UNC5D: variants seen among roughly 807,000 people sequenced by gnomAD.
UNC5D encodes the protein netrin receptor UNC5D.
Under a neutral mutation model 105.4 loss-of-function variants are expected in UNC5D, and 39 were observed. That is an observed-to-expected ratio of 0.37 (90% CI 0.29 to 0.48). The LOEUF (loss-of-function observed/expected upper bound fraction) is 0.48, where lower values mean the gene tolerates loss of function less well. UNC5D is among the 20% of genes least tolerant of loss of function. The probability of loss-of-function intolerance (pLI) is 0.98; values close to 1 mark genes in which losing one functional copy is unlikely to be tolerated. For missense variants in UNC5D, 991 were observed against 1,202.4 expected (o/e 0.82, Z 2.60); for synonymous variants, 452 against 450.4 (o/e 1.00, Z -0.04).
At chr8:35,303,157 A>G (rs897003457) in intron 1 of UNC5D, among the ~76,000 whole-genome samples, 30 of 152,190 alleles carry the variant, frequency 2.0e-4, no homozygotes, top group African/African-American at 7.0e-4. Context: ...ATCAGTGCCT[A>G]TTTCTACATA....
Position 35,672,282 on chromosome 8 carries a change from C to T in UNC5D, c.571-11265C>T, listed in dbSNP as rs528487173. Among the ~76,000 whole-genome samples the T allele has an allele frequency of 3.6e-4, 55 of 152,246 alleles. 1 individual carries two copies. Among genetic ancestry groups the T allele is most frequent in the African/African-American group, 1.3e-3 (53 of 41,550 alleles). On this transcript the variant is annotated intron_variant, in intron 4 of 16. Transcript: ENST00000404895. ...AACATAATTAATATTCTCACATCACCACTTTAAAACATTATTTACATACCT... is the reference window on the plus strand; with the variant it reads ...AACATAATTAATATTCTCACATCACTACTTTAAAACATTATTTACATACCT...
At chr8:35,455,100 C>G (rs1206427723) in intron 1 of UNC5D, among the ~76,000 whole-genome samples, 1 of 152,084 alleles carries the variant, frequency 6.6e-6, no homozygotes, top group Non-Finnish European at 1.5e-5. Flanking sequence ...GTAAAAATTA[C>G]TATACAAACA....
chr8:35,648,510 C>T (rs1274111582), intron 4 of UNC5D, among the ~76,000 whole-genome samples: 1 of 151,908 alleles, frequency 6.6e-6, no homozygotes, highest in Non-Finnish European at 1.5e-5. Flanking sequence ...AAAACACTGT[C>T]TCTACTAAAA....
At chr8:35,649,750 A>G (rs1455085280) in intron 4 of UNC5D, among the ~76,000 whole-genome samples, 1 of 152,186 alleles carries the variant, frequency 6.6e-6, no homozygotes, top group Non-Finnish European at 1.5e-5. Context: ...ATGGAAAAAC[A>G]TCAGACAAAC....
chr8:35,657,834 C>T (rs1045112090), intron 4 of UNC5D, among the ~76,000 whole-genome samples: 3 of 152,100 alleles, frequency 2.0e-5, no homozygotes, highest in Non-Finnish European at 4.4e-5. Flanking sequence ...AATATCTATA[C>T]ATTTGACATC....
chr8:35,774,536 G>A, intron 16 of UNC5D, 59 bp downstream of exon 16: 2 of 1,585,226 alleles, frequency 1.3e-6, no homozygotes, highest in Non-Finnish European at 1.7e-6. Flanking sequence ...AACATAAAGT[G>A]GGCTAAGTGA....
intron 1 of UNC5D, among the ~76,000 whole-genome samples, chr8:35,430,649 A>G (rs572343431): frequency 6.6e-6 from 1 of 152,210 alleles, no homozygotes; most frequent in Non-Finnish European, 1.5e-5. Context: ...GAATTAGAGG[A>G]CACCCAGCTG....
At chr8:35,397,643 A>G (rs1480095866) in intron 1 of UNC5D, among the ~76,000 whole-genome samples, 1 of 152,098 alleles carries the variant, frequency 6.6e-6, no homozygotes, top group East Asian at 1.9e-4. Flanking sequence ...TTGTCTGCCA[A>G]GTTCTGTTTC....
chr8:35,678,251 T>A (rs1381988613), intron 4 of UNC5D, among the ~76,000 whole-genome samples: 1 of 152,136 alleles, frequency 6.6e-6, no homozygotes, highest in Non-Finnish European at 1.5e-5. Flanking sequence ...CATGACCAAG[T>A]TTATGCATCT....
intron 1 of UNC5D, among the ~76,000 whole-genome samples, chr8:35,258,846 G>A (rs1187322259): frequency 6.6e-6 from 1 of 152,190 alleles, no homozygotes; most frequent in African/African-American, 2.4e-5. Flanking sequence ...AGAGCCTCCC[G>A]AATCTTTGAA....
chr8:35,257,483 C>T (rs3115004), intron 1 of UNC5D, among the ~76,000 whole-genome samples: 1 of 151,918 alleles, frequency 6.6e-6, no homozygotes, highest in Non-Finnish European at 1.5e-5. Context: ...TGTTTCAGGG[C>T]CTGATGCTTT....
intron 1 of UNC5D, among the ~76,000 whole-genome samples, chr8:35,406,189 G>A (rs923409085): frequency 2.2e-4 from 34 of 152,060 alleles, no homozygotes; most frequent in African/African-American, 7.0e-4. Context: ...TTTTAAAAAG[G>A]CCTTTAAAAA....
At chr8:35,278,821 C>A (rs1455829700) in intron 1 of UNC5D, among the ~76,000 whole-genome samples, 1 of 152,108 alleles carries the variant, frequency 6.6e-6, no homozygotes, top group African/African-American at 2.4e-5. Flanking sequence ...TAAATCTCTA[C>A]ACTTATTCAT....
intron 3 of UNC5D, among the ~76,000 whole-genome samples, chr8:35,590,542 C>A (rs922951681): frequency 6.6e-6 from 1 of 151,922 alleles, no homozygotes; most frequent in Non-Finnish European, 1.5e-5. Flanking sequence ...ATTTAAGTGT[C>A]TCTGAAAAAT....
chr8:35,491,502 C>T (rs2053341), intron 1 of UNC5D, among the ~76,000 whole-genome samples: 150,596 of 152,298 alleles, frequency 0.99, 74,474 homozygotes, highest in Middle Eastern at 1. Context: ...ACTAATTTTT[C>T]AAACTGAAAT....
chr8:35,441,549 T>C (rs1807403962), intron 1 of UNC5D, among the ~76,000 whole-genome samples: 1 of 151,872 alleles, frequency 6.6e-6, no homozygotes, highest in East Asian at 1.9e-4. Flanking sequence ...TGGTGGTGCC[T>C]TGAATTGTGA....
At chr8:35,250,266 T>C (rs1377732013) in intron 1 of UNC5D, among the ~76,000 whole-genome samples, 1 of 152,172 alleles carries the variant, frequency 6.6e-6, no homozygotes, top group Non-Finnish European at 1.5e-5. Context: ...TTTTGTTTGT[T>C]GTTGTTTGCT....
intron 1 of UNC5D, among the ~76,000 whole-genome samples, chr8:35,482,703 C>T (rs898460073): frequency 9.4e-5 from 14 of 148,584 alleles, no homozygotes; most frequent in African/African-American, 2.5e-4. Flanking sequence ...AACTTAGAGA[C>T]TACAAATCAA....
At chr8:35,421,042 GA>G (rs1805866046) in intron 1 of UNC5D, among the ~76,000 whole-genome samples, 1 of 152,056 alleles carries the variant, frequency 6.6e-6, no homozygotes, top group Non-Finnish European at 1.5e-5. Flanking sequence ...AGCTTCTATT[GA>G]ATCCCTCTCC....
Sources: gnomAD v4.1 joint callset for allele counts (sites outside exome capture counted in the v4.1 genomes callset) on GRCh38, gnomAD v4.1.1 for gene constraint, MANE v1.5 for transcripts, NCBI Gene and HGNC (gene_info 2026-07-23, HGNC 2026-07-21) for gene names.